The following CLEC12A variants were observed in gnomAD, a reference collection of about 807,000 sequenced individuals.
CLEC12A encodes C-type lectin domain family 12 member A.
Under a neutral mutation model 26.5 loss-of-function variants are expected in CLEC12A, and 22 were observed. That is an observed-to-expected ratio of 0.83 (90% CI 0.59 to 1.19). The LOEUF is 1.19. Ranked by LOEUF, CLEC12A falls within the 50% of genes most tolerant of loss-of-function variation. The pLI is 0.00. For missense variants in CLEC12A, 353 were observed against 315.6 expected (o/e 1.12, Z -0.90); for synonymous variants, 119 against 101.9 (o/e 1.17, Z -1.01).
chr12:9,971,524 A>G lies in CLEC12A; in HGVS notation c.-73A>G. ...AGTTTAAAATTATAGGTCCTGTTTA[A>G]CATTCAGCTCTGTTAACTCACTCAT... On this transcript the variant is annotated 5_prime_UTR_variant, in exon 1 of 6. Transcript: ENST00000304361. 6.5e-7 allele frequency: 1 copy of G among 1,539,342 alleles called. No homozygotes were observed. The highest frequency in any genetic ancestry group is 8.7e-7 in the Non-Finnish European group (1 of 1,148,192).
chr12:9,978,216 C>A (rs1216727003), intron 1 of CLEC12A, among the ~76,000 whole-genome samples: 1 of 151,970 alleles, frequency 6.6e-6, no homozygotes. Context: ...TAGCTTTATA[C>A]ATAATGATGA....
At chr12:9,994,702 T>C (rs1864988452) in intron 4 of CLEC12A, among the ~76,000 whole-genome samples, 1 of 152,212 alleles carries the variant, frequency 6.6e-6, no homozygotes, top group South Asian at 2.1e-4. Context: ...CAAAACAATA[T>C]TGAAAACTCA....
At chr12:9,965,159 T>C (rs1293928270) in intron 1 of CLEC12A, among the ~76,000 whole-genome samples, 6 of 152,176 alleles carry the variant, frequency 3.9e-5, no homozygotes, top group Admixed American at 2.6e-4. Context: ...AGCCACTGCA[T>C]GCAGACATGA....
At chr12:9,995,514 AC>A (rs1865022020) in exon 5 of CLEC12A, 1 of 393,356 alleles carries the variant, frequency 2.5e-6, no homozygotes, top group African/African-American at 2.1e-5. Flanking sequence ...TAGATCTTCA[AC>A]CAGTTGAGGA....
intron 1 of CLEC12A, 30 bp from the exon 2 acceptor site, chr12:9,978,936 A>T: frequency 6.9e-7 from 1 of 1,453,810 alleles, no homozygotes. Context: ...TACCATTTTT[A>T]GGCCTCTCTG....
the CLEC12A span, among the ~76,000 whole-genome samples, chr12:10,005,144 T>C: frequency 6.6e-6 from 1 of 152,220 alleles, no homozygotes; most frequent in Non-Finnish European, 1.5e-5. Context: ...ATATGTTTAC[T>C]GATCACTGCA....
the CLEC12A span, among the ~76,000 whole-genome samples, chr12:10,002,636 G>A: frequency 2.0e-5 from 3 of 151,762 alleles, no homozygotes; most frequent in African/African-American, 7.3e-5. Flanking sequence ...TAGAGACGGG[G>A]TTTCACCGTG....
chr12:9,992,806 A>C (rs1864923275), intron 4 of CLEC12A: 1 of 189,036 alleles, frequency 5.3e-6, no homozygotes, highest in Non-Finnish European at 1.1e-5. Flanking sequence ...ACTTATATTA[A>C]TTAAGCCCTA....
At chr12:9,977,947 TA>T (rs1306541502) in intron 1 of CLEC12A, among the ~76,000 whole-genome samples, 1 of 152,136 alleles carries the variant, frequency 6.6e-6, no homozygotes, top group African/African-American at 2.4e-5. Context: ...AAAATAATTT[TA>T]AGAAAGATAG....
intron 4 of CLEC12A, among the ~76,000 whole-genome samples, chr12:9,981,221 G>T (rs781507017): frequency 2.6e-5 from 4 of 152,136 alleles, no homozygotes; most frequent in Non-Finnish European, 4.4e-5. Context: ...GATGGCACAG[G>T]CAAGTGTCAG....
At position 9,964,065 on chromosome 12, in the gene CLEC12A, A is replaced by G. The variant is rs191812444; in HGVS notation, c.11-7512A>G. Among the ~76,000 whole-genome samples the G allele has an allele frequency of 6.7e-4, 102 of 152,364 alleles. 1 individual carries two copies. The East Asian group carries it at 0.016, about 24-fold the overall frequency. ...CCAGTGGGTCTTTGCTGAGAGATACATAAAGGAGCAGCCACAGGAATAGTA... is the reference window on the plus strand; with the variant it reads ...CCAGTGGGTCTTTGCTGAGAGATACGTAAAGGAGCAGCCACAGGAATAGTA... On this transcript the variant is annotated intron_variant, in intron 1 of 6. Transcript: ENST00000355690.
At chr12:9,963,760 G>A (rs1291552024) in intron 1 of CLEC12A, among the ~76,000 whole-genome samples, 2 of 152,190 alleles carry the variant, frequency 1.3e-5, no homozygotes, top group Non-Finnish European at 2.9e-5. Context: ...CAAAACTGGA[G>A]AAGCAAAGTA....
downstream of CLEC12A, among the ~76,000 whole-genome samples, chr12:9,998,002 T>C (rs17734375): frequency 0.023 from 3,487 of 151,818 alleles, 56 homozygotes; most frequent in Non-Finnish European, 0.036. Context: ...GATGAAAAAG[T>C]TTTTAAAAAT....
intron 1 of CLEC12A, among the ~76,000 whole-genome samples, chr12:9,973,453 C>T (rs1053766544): frequency 1.3e-5 from 2 of 150,780 alleles, no homozygotes; most frequent in Admixed American, 6.6e-5. Context: ...GATCCTGCCT[C>T]AAACAAATCA....
chr12:9,998,490 A>G (rs1040978538), downstream of CLEC12A: 29 of 706,824 alleles, frequency 4.1e-5, no homozygotes, highest in South Asian at 4.2e-4. Flanking sequence ...AGTAATAGAA[A>G]GAGCTTTGCT....
rs891422763 is a variant in CLEC12A, at chr12:9,978,972, C to T, written c.98C>T (p.Pro33Leu). 1.2e-6 allele frequency: 2 copies of T among 1,613,516 alleles called. No individual in the cohort carries two copies. The highest frequency in any genetic ancestry group is 1.3e-5 in the African/African-American group (1 of 74,892). ...EIGKFGEKAP[P>L]APSHVWRPAA... ...TTAATTTTGCTTTCCACAGCACCTCCAGCTCCCTCTCATGTATGGCGTCCA... is the reference window on the plus strand; with the variant it reads ...TTAATTTTGCTTTCCACAGCACCTCTAGCTCCCTCTCATGTATGGCGTCCA... Residue 33 changes from proline (P) to leucine (L), a missense_variant, in exon 2 of 6, where the codon CCA (proline) becomes CTA (leucine). Transcript: ENST00000304361.
chr12:9,965,455 T>C (rs550815025), intron 1 of CLEC12A, among the ~76,000 whole-genome samples: 184 of 150,330 alleles, frequency 1.2e-3, no homozygotes, highest in East Asian at 7.6e-3. Context: ...CAATACAGCC[T>C]AGGTAATTTG....
chr12:9,974,462 T>A (rs960768735), intron 1 of CLEC12A, among the ~76,000 whole-genome samples: 10 of 152,220 alleles, frequency 6.6e-5, no homozygotes, highest in Admixed American at 4.6e-4. Flanking sequence ...AGAAAATACA[T>A]GTGCCACTTT....
At chr12:9,995,050 C>T (rs1210872539) in exon 5 of CLEC12A, 1 of 1,590,516 alleles carries the variant, frequency 6.3e-7, no homozygotes. Flanking sequence ...CTTCTATAAC[C>T]CATAGTAGTG....
Sources: gnomAD v4.1 joint callset for allele counts (sites outside exome capture counted in the v4.1 genomes callset) on GRCh38, gnomAD v4.1.1 for gene constraint, MANE v1.5 for transcripts, NCBI Gene and HGNC (gene_info 2026-07-23, HGNC 2026-07-21) for gene names.